The following DNAJB1 variants were observed in gnomAD, a reference collection of about 807,000 sequenced individuals.
The protein encoded by DNAJB1 is DnaJ heat shock protein family (Hsp40) member B1, also known as dnaJ homolog subfamily B member 1.
Under a neutral mutation model 24.0 loss-of-function variants are expected in DNAJB1, and 14 were observed. The observed-to-expected ratio is 0.58, with a 90% confidence interval of 0.39 to 0.91. The LOEUF (loss-of-function observed/expected upper bound fraction) is 0.91. DNAJB1 is among the 40% of genes least tolerant of loss of function. The pLI, the probability that DNAJB1 is intolerant of heterozygous loss-of-function variation, is 0.00. For missense variants in DNAJB1, 517 were observed against 458.1 expected (o/e 1.13, Z -1.17); for synonymous variants, 262 against 174.4 (o/e 1.50, Z -3.96).
At chr19:14,554,614 C>G (rs1176962540), upstream of DNAJB1, among the ~76,000 whole-genome samples, 1 of 152,178 alleles carries the variant, frequency 6.6e-6, no homozygotes, top group Non-Finnish European at 1.5e-5. Flanking sequence ...GGCTGCGCCT[C>G]CAGGGGATGA....
upstream of DNAJB1, among the ~76,000 whole-genome samples, chr19:14,555,154 C>T (rs1198625182): frequency 6.6e-6 from 1 of 151,816 alleles, no homozygotes; most frequent in African/African-American, 2.4e-5. Flanking sequence ...TCATGGCTCA[C>T]TGCAGCCTGG....
upstream of DNAJB1, chr19:14,529,851 C>A (rs1438222832): frequency 6.1e-6 from 7 of 1,150,844 alleles, no homozygotes; most frequent in African/African-American, 1.5e-5. Flanking sequence ...GCAAGCGTTG[C>A]GCCCCGGGCC....
At chr19:14,554,934 A>G (rs1032841661), upstream of DNAJB1, among the ~76,000 whole-genome samples, 3 of 151,594 alleles carry the variant, frequency 2.0e-5, no homozygotes, top group Admixed American at 1.3e-4. Context: ...GTGTGCCACC[A>G]TGCCCAGCTA....
chr19:14,517,276 G>C lies in DNAJB1; in HGVS notation c.212-230C>G, dbSNP rs375111972. The C allele has an allele frequency of 2.2e-3, 1,178 of 527,446 alleles. 24 individuals carry two copies. In the South Asian group the frequency reaches 0.028, roughly 13 times the overall value. The allele number at this position is 527,446 out of a possible 1,614,324, so 32.7% of individuals were successfully genotyped here. On this transcript the variant is annotated intron_variant, in intron 1 of 2. Transcript: ENST00000254322. Reference sequence around the variant, plus strand: ...AGTGGAAAAGGACTCATGCGGTTAGGTGTTCACCTCCAGGTGCCACCTAGG... The same window carrying C: ...AGTGGAAAAGGACTCATGCGGTTAGCTGTTCACCTCCAGGTGCCACCTAGG...
At chr19:14,523,268 G>A (rs1264017934), upstream of DNAJB1, among the ~76,000 whole-genome samples, 1 of 152,114 alleles carries the variant, frequency 6.6e-6, no homozygotes, top group East Asian at 1.9e-4. Context: ...GGATGAAATT[G>A]AGAGGAAATG....
chr19:14,537,692 A>G (rs2072950490), intron 1 of DNAJB1, among the ~76,000 whole-genome samples: 1 of 151,962 alleles, frequency 6.6e-6, no homozygotes, highest in African/African-American at 2.4e-5. Flanking sequence ...GGCAGCCAGA[A>G]TATAGTAATC....
chr19:14,531,026 C>T (rs1177503133), upstream of DNAJB1: 2 of 152,078 alleles, frequency 1.3e-5, no homozygotes, highest in African/African-American at 4.8e-5. Flanking sequence ...ACCTTGGATA[C>T]GTAGAAGGAT....
At chr19:14,516,298 C>G in intron 2 of DNAJB1, 128 bp from the exon 3 acceptor site, 1 of 1,278,448 alleles carries the variant, frequency 7.8e-7, no homozygotes, top group Non-Finnish European at 1.1e-6. Flanking sequence ...CAAATCTACA[C>G]GTCCCCACCA....
chr19:14,539,694 G>C (rs922946489), intron 1 of DNAJB1, among the ~76,000 whole-genome samples: 1 of 151,924 alleles, frequency 6.6e-6, no homozygotes, highest in Admixed American at 6.6e-5. Context: ...CTATTCCCTC[G>C]GCCCTGGATG....
intron 1 of DNAJB1, among the ~76,000 whole-genome samples, chr19:14,547,963 C>CTT (rs1043298294): frequency 1.2e-4 from 15 of 125,672 alleles, no homozygotes; most frequent in African/African-American, 1.5e-4. Flanking sequence ...ATGGGCATTT[C>CTT]TTTTTTTTTT....
upstream of DNAJB1, among the ~76,000 whole-genome samples, chr19:14,522,723 C>T (rs1295859579): frequency 6.6e-6 from 1 of 151,146 alleles, no homozygotes. Flanking sequence ...CACACACACA[C>T]ACACACACTC....
At chr19:14,547,795 G>C (rs1456391535) in intron 1 of DNAJB1, among the ~76,000 whole-genome samples, 1 of 151,602 alleles carries the variant, frequency 6.6e-6, no homozygotes, top group Non-Finnish European at 1.5e-5. Context: ...ATTATGCTAG[G>C]ACTACAGGTG....
chr19:14,526,648 C>G (rs1241144666), intron 2 of DNAJB1, among the ~76,000 whole-genome samples: 1 of 152,044 alleles, frequency 6.6e-6, no homozygotes, highest in Non-Finnish European at 1.5e-5. Context: ...AAAGCAGTCT[C>G]AAAAGGGAAT....
At chr19:14,535,756 CAAAAAAAA>C (rs1161257175) in intron 1 of DNAJB1, among the ~76,000 whole-genome samples, 2 of 51,944 alleles carry the variant, frequency 3.9e-5, no homozygotes, top group African/African-American at 8.1e-5. Context: ...GACTCTGTCT[CAAAAAAAA>C]AAAAAAAAAA....
At chr19:14,533,770 G>A (rs2072760301), upstream of DNAJB1, among the ~76,000 whole-genome samples, 1 of 152,158 alleles carries the variant, frequency 6.6e-6, no homozygotes, top group Non-Finnish European at 1.5e-5. Flanking sequence ...TCTCTAGAAC[G>A]GGTCACCTCC....
chr19:14,517,156 T>A (rs939115890), intron 1 of DNAJB1, 110 bp from the exon 2 acceptor site: 45 of 1,174,532 alleles, frequency 3.8e-5, no homozygotes, highest in Non-Finnish European at 4.7e-5. Flanking sequence ...CTTTTTTGTC[T>A]GTCAGGGGAG....
exon 1 of DNAJB1, among the ~76,000 whole-genome samples, chr19:14,550,330 G>A (rs1016461909): frequency 2.6e-5 from 4 of 152,142 alleles, no homozygotes; most frequent in East Asian, 1.9e-4. Context: ...AGCCTGCCAC[G>A]TAGATCCCAG....
At chr19:14,529,983 A>G, upstream of DNAJB1, 1 of 556,994 alleles carries the variant, frequency 1.8e-6, no homozygotes, top group Non-Finnish European at 3.2e-6. Flanking sequence ...GGTTCCTTGC[A>G]GCTCCCCCAG....
intron 1 of DNAJB1, among the ~76,000 whole-genome samples, chr19:14,546,840 C>G (rs1216710358): frequency 6.6e-6 from 1 of 152,186 alleles, no homozygotes; most frequent in African/African-American, 2.4e-5. Context: ...CAGGTGCACA[C>G]CACTACGCCC....
Sources: gnomAD v4.1 joint callset for allele counts (sites outside exome capture counted in the v4.1 genomes callset) on GRCh38, gnomAD v4.1.1 for gene constraint, MANE v1.5 for transcripts, NCBI Gene and HGNC (gene_info 2026-07-23, HGNC 2026-07-21) for gene names.